The following TTC23 variants were observed in gnomAD, a reference collection of about 807,000 sequenced individuals.
TTC23 encodes tetratricopeptide repeat domain 23, also known as tetratricopeptide repeat protein 23.
In TTC23, 58 loss-of-function variants were observed where a neutral mutation model predicts 55.1. That is an observed-to-expected ratio of 1.05 (90% CI 0.85 to 1.31). The LOEUF (loss-of-function observed/expected upper bound fraction) is 1.31. Among genes scored for constraint, TTC23 ranks in the 50% most tolerant of loss-of-function variants. TTC23 has a pLI of 0.00. For missense variants in TTC23, 516 were observed against 534.4 expected (o/e 0.97, Z 0.34); for synonymous variants, 203 against 199.9 (o/e 1.02, Z -0.13).
At chr15:99,218,339 G>A (rs2077633829) in intron 8 of TTC23, among the ~76,000 whole-genome samples, 1 of 152,152 alleles carries the variant, frequency 6.6e-6, no homozygotes. Context: ...CAGGTAAAAC[G>A]AAAGTCAAGA....
At chr15:99,212,626 A>G (rs1453130767) in intron 8 of TTC23, among the ~76,000 whole-genome samples, 1 of 152,146 alleles carries the variant, frequency 6.6e-6, no homozygotes, top group Non-Finnish European at 1.5e-5. Flanking sequence ...CCAGGGAGAA[A>G]GGCACTGGGC....
intron 2 of TTC23, among the ~76,000 whole-genome samples, chr15:99,243,458 T>C (rs1311085014): frequency 1.3e-5 from 2 of 152,106 alleles, no homozygotes; most frequent in African/African-American, 2.4e-5. Flanking sequence ...AAGCTAAAAA[T>C]AGAAGAACTA....
At chr15:99,212,510 G>A (rs1415082807) in intron 8 of TTC23, among the ~76,000 whole-genome samples, 2 of 152,120 alleles carry the variant, frequency 1.3e-5, no homozygotes. Flanking sequence ...ATTACTGTAC[G>A]AAGTAGCACC....
chr15:99,145,645 C>G (rs2068763335), intron 12 of TTC23, among the ~76,000 whole-genome samples: 1 of 152,204 alleles, frequency 6.6e-6, no homozygotes, highest in South Asian at 2.1e-4. Context: ...GACCACACCC[C>G]TGCATCCTCT....
Position 99,227,855 on chromosome 15 carries a change from C to A in TTC23, c.180+678G>T, listed in dbSNP as rs563173029. On this transcript the variant is annotated intron_variant, in intron 5 of 13. Transcript: ENST00000394132. ...CAGTGCAGTCTACGTAACTCCCATC[C>A]GAAGAAAGTGTGCCTTAACTGCTGT... is the stretch of plus-strand genomic sequence containing the variant. Among the ~76,000 whole-genome samples the A allele has an allele frequency of 2.0e-5, 3 of 152,310 alleles. No homozygotes were observed. The East Asian group carries it at 5.8e-4, about 29-fold the overall frequency.
At chr15:99,237,998 C>T (rs1343458125) in intron 3 of TTC23, among the ~76,000 whole-genome samples, 12 of 152,200 alleles carry the variant, frequency 7.9e-5, no homozygotes, top group African/African-American at 2.7e-4. Context: ...CGGAGTCTCA[C>T]TCTGTCACCC....
chr15:99,234,272 G>C (rs1221379475), intron 4 of TTC23, among the ~76,000 whole-genome samples: 1 of 152,174 alleles, frequency 6.6e-6, no homozygotes, highest in Non-Finnish European at 1.5e-5. Flanking sequence ...ACATGTATCT[G>C]ATGTAAGATT....
intron 11 of TTC23, chr15:99,158,389 A>T (rs772932080): frequency 1.3e-5 from 2 of 152,262 alleles, no homozygotes; most frequent in Non-Finnish European, 2.9e-5. Context: ...TGCCGCCTAC[A>T]GCCTGACTGC....
At chr15:99,140,496 A>C (rs1221530115) in intron 12 of TTC23, 1 of 152,004 alleles carries the variant, frequency 6.6e-6, no homozygotes, top group African/African-American at 2.4e-5. Flanking sequence ...CAGCCTCCCG[A>C]GTAGCTGAGA....
At chr15:99,233,716 C>G (rs568717424) in intron 4 of TTC23, among the ~76,000 whole-genome samples, 3 of 152,260 alleles carry the variant, frequency 2.0e-5, no homozygotes, top group East Asian at 3.9e-4. Flanking sequence ...TACTTCTATA[C>G]AGATTTTAGA....
At chr15:99,164,014 G>C (rs1157521579) in intron 10 of TTC23, among the ~76,000 whole-genome samples, 1 of 152,194 alleles carries the variant, frequency 6.6e-6, no homozygotes. Flanking sequence ...GGAATTAAGG[G>C]TGTCTATCCA....
chr15:99,245,682 T>A lies in TTC23; in HGVS notation c.-430-172A>T, dbSNP rs1160457429. ...AATAAACAGTGCTGGTACAACTGGA[T>A]AGATACATGAAAAGAATAAAGTTGG... On this transcript the variant is annotated intron_variant, in intron 1 of 13. Coordinates refer to ENST00000394132, the MANE Select transcript of TTC23 (RefSeq NM_001288615.3). 2.6e-5 allele frequency among the ~76,000 whole-genome samples: 4 copies of A among 152,044 alleles called. No individual in the cohort carries two copies. The East Asian group carries it at 7.7e-4, about 29-fold the overall frequency.
chr15:99,237,403 A>ATAAATGGG (rs921341747), intron 3 of TTC23, among the ~76,000 whole-genome samples: 4 of 152,240 alleles, frequency 2.6e-5, no homozygotes, highest in Non-Finnish European at 4.4e-5. Context: ...CCAAATGTCT[A>ATAAATGGG]TAAATGGGTA....
At chr15:99,191,815 A>G (rs767639254) in intron 9 of TTC23, among the ~76,000 whole-genome samples, 4 of 152,184 alleles carry the variant, frequency 2.6e-5, no homozygotes, top group African/African-American at 4.8e-5. Context: ...CAGAGGTTGG[A>G]ACAGTTTGGA....
chr15:99,222,537 A>G (rs1305412845), intron 5 of TTC23, among the ~76,000 whole-genome samples: 13 of 152,228 alleles, frequency 8.5e-5, no homozygotes, highest in Non-Finnish European at 7.3e-5. Context: ...TTCCTTAGCC[A>G]TCTGCACTAG....
rs56223763 is a variant in TTC23 at position 99,182,248 on chromosome 15, TCACACACACACACACA to T, written c.760-7109_760-7094del. On this transcript the variant is annotated intron_variant, in intron 9 of 13. Coordinates refer to ENST00000394132, the MANE Select transcript of TTC23 (RefSeq NM_001288615.3). ...ATCTCTCTCTCTCTCTCTCTCTCTC[TCACACACACACACACA>T]CACACACACACACACACACACACAC... is the stretch of plus-strand genomic sequence containing the variant. 3.7e-5 allele frequency among the ~76,000 whole-genome samples: 4 copies of T among 108,692 alleles called. No individual in the cohort carries two copies. The Admixed American group carries it at 3.8e-4, about 10-fold the overall frequency. 71.3% of individuals were successfully genotyped at this position (108,692 alleles called of 152,430 possible).
At chr15:99,243,676 G>A (rs1045995995) in intron 2 of TTC23, among the ~76,000 whole-genome samples, 1 of 152,180 alleles carries the variant, frequency 6.6e-6, no homozygotes, top group African/African-American at 2.4e-5. Context: ...CAGCAACATG[G>A]ATGAAACTGA....
At chr15:99,142,102 T>C (rs2068298382) in intron 12 of TTC23, among the ~76,000 whole-genome samples, 1 of 152,156 alleles carries the variant, frequency 6.6e-6, no homozygotes, top group Non-Finnish European at 1.5e-5. Flanking sequence ...CCTAGAAATT[T>C]AGGAACTTTG....
intron 4 of TTC23, among the ~76,000 whole-genome samples, chr15:99,233,001 G>A (rs1206862141): frequency 6.6e-6 from 1 of 152,118 alleles, no homozygotes; most frequent in African/African-American, 2.4e-5. Flanking sequence ...TGATGAACCT[G>A]GAAAATACTA....
Sources: allele counts gnomAD v4.1 joint callset (sites outside exome capture counted in the v4.1 genomes callset), GRCh38; gene constraint gnomAD v4.1.1; transcripts MANE v1.5; gene names NCBI Gene and HGNC (gene_info 2026-07-23, HGNC 2026-07-21).